Variants in FAM81A observed in about 807,000 individuals in gnomAD.
The protein encoded by FAM81A is family with sequence similarity 81 member A.
FAM81A carries 19 observed loss-of-function variants against 46.7 expected under a neutral mutation model. That is an observed-to-expected ratio of 0.41 (90% CI 0.28 to 0.60). The LOEUF (loss-of-function observed/expected upper bound fraction) is 0.60, where lower values mean the gene tolerates loss of function less well. Among genes scored for constraint, FAM81A ranks in the 20% least tolerant of loss-of-function variants. The pLI is 0.34. For synonymous variants in FAM81A, 183 were observed against 152.9 expected (o/e 1.20, Z -1.45); for missense variants, 377 against 453.5 (o/e 0.83, Z 1.53).
At chr15:59,470,093 A>T (rs552107968) in intron 3 of FAM81A, among the ~76,000 whole-genome samples, 1 of 152,266 alleles carries the variant, frequency 6.6e-6, no homozygotes, top group South Asian at 2.1e-4. Flanking sequence ...AGTCTGATGG[A>T]CTTACCTTTA....
chr15:59,523,191 T>TA lies in FAM81A; in HGVS notation c.*1815dup, dbSNP rs1356570890. ...GCTGGACTCTGGCCAAGGAGTGATGTAAGCAGGTGACACTTGGCTGTCAGC... is the reference window on the plus strand; with the variant it reads ...GCTGGACTCTGGCCAAGGAGTGATGTAAAGCAGGTGACACTTGGCTGTCAGC... On this transcript the variant is annotated 3_prime_UTR_variant, in exon 9 of 9. Coordinates refer to ENST00000288228, the MANE Select transcript of FAM81A (RefSeq NM_152450.3). The TA allele has an allele frequency of 2.6e-4, 39 of 152,236 alleles. No individual in the cohort carries two copies. The highest frequency in any genetic ancestry group is 8.7e-4 in the African/African-American group (36 of 41,446). The allele number at this position is 152,236 out of a possible 1,614,324, so 9.4% of individuals were successfully genotyped here. A position where few individuals can be genotyped will look rare whatever the true frequency, so the allele number is the denominator to read the frequency against.
intron 3 of FAM81A, among the ~76,000 whole-genome samples, chr15:59,465,765 A>G (rs1419991407): frequency 6.6e-6 from 1 of 152,132 alleles, no homozygotes; most frequent in Non-Finnish European, 1.5e-5. Context: ...ATACATAGTT[A>G]TACATGTGCC....
chr15:59,432,088 G>A (rs1293503496), intron 2 of FAM81A, among the ~76,000 whole-genome samples: 1 of 152,052 alleles, frequency 6.6e-6, no homozygotes, highest in Non-Finnish European at 1.5e-5. Context: ...TTTAAGTACA[G>A]GCTATGTATT....
rs1329267910 is a variant in FAM81A, at chr15:59,460,919, C to T, written c.294+713C>T. On this transcript the variant is annotated intron_variant, in intron 3 of 8. Transcript: ENST00000288228. The surrounding 1 kb of genome is among the most constrained non-coding windows in gnomAD (Gnocchi z 4.4). ...CTAGATTAAGGAAAACTTTTGCTTCCTGTGATGGAGATTATATCTGAATTA... is the reference window on the plus strand; with the variant it reads ...CTAGATTAAGGAAAACTTTTGCTTCTTGTGATGGAGATTATATCTGAATTA... 6.6e-6 allele frequency among the ~76,000 whole-genome samples: 1 copy of T among 152,128 alleles called. No individual in the cohort carries two copies. The highest frequency in any genetic ancestry group is 2.4e-5 in the African/African-American group (1 of 41,438).
chr15:59,478,287 A>G (rs1239567704), intron 3 of FAM81A, among the ~76,000 whole-genome samples: 2 of 152,176 alleles, frequency 1.3e-5, no homozygotes, highest in African/African-American at 4.8e-5. Flanking sequence ...TGTTGGCTTT[A>G]ACCTAGTTGG....
chr15:59,493,863 C>T (rs1164212173), intron 4 of FAM81A, among the ~76,000 whole-genome samples: 9 of 152,182 alleles, frequency 5.9e-5, no homozygotes, highest in African/African-American at 2.2e-4. Flanking sequence ...GCTGGGATTA[C>T]AGGTGTGAGC....
chr15:59,442,286 C>A (rs186428316), intron 1 of FAM81A, among the ~76,000 whole-genome samples: 352 of 152,220 alleles, frequency 2.3e-3, no homozygotes, highest in African/African-American at 8.3e-3. Flanking sequence ...CTTTTTAAAC[C>A]TTTTACTTTG....
chr15:59,417,975 A>G (rs1364770253), intron 2 of FAM81A, among the ~76,000 whole-genome samples: 2 of 151,866 alleles, frequency 1.3e-5, no homozygotes, highest in Non-Finnish European at 2.9e-5. Flanking sequence ...CCTGTGTCCA[A>G]GTGTTCTCAT....
intron 1 of FAM81A, among the ~76,000 whole-genome samples, chr15:59,447,439 C>A (rs2081365181): frequency 6.6e-6 from 1 of 152,214 alleles, no homozygotes; most frequent in African/African-American, 2.4e-5. Context: ...GACTGCTCAG[C>A]TGTTCTAAAA....
intron 3 of FAM81A, among the ~76,000 whole-genome samples, chr15:59,474,063 C>T (rs748188901): frequency 7.2e-5 from 11 of 152,174 alleles, no homozygotes; most frequent in Non-Finnish European, 1.5e-4. Context: ...GCCCTCCTTG[C>T]CAGTTCCTCT....
intron 3 of FAM81A, among the ~76,000 whole-genome samples, chr15:59,489,266 A>C (rs543474355): frequency 2.1e-4 from 31 of 144,268 alleles, no homozygotes; most frequent in African/African-American, 7.9e-4. Context: ...CTCCATCTCA[A>C]ATACATACAT....
chr15:59,495,988 A>G (rs76285907), intron 4 of FAM81A, among the ~76,000 whole-genome samples: 13,643 of 152,080 alleles, frequency 0.09, 789 homozygotes, highest in African/African-American at 0.16. Context: ...TCATTTTCTC[A>G]TGTCTTTTGA....
intron 3 of FAM81A, among the ~76,000 whole-genome samples, chr15:59,489,286 C>CATACATACATACATACATACATAT (rs2081956235): frequency 6.7e-6 from 1 of 149,906 alleles, no homozygotes; most frequent in African/African-American, 2.5e-5. Flanking sequence ...TACATACATA[C>CATACATACATACATACATACATAT]ATACATACAT....
intron 4 of FAM81A, among the ~76,000 whole-genome samples, chr15:59,498,369 G>T (rs1306992588): frequency 6.6e-6 from 1 of 152,026 alleles, no homozygotes; most frequent in Non-Finnish European, 1.5e-5. Flanking sequence ...TTGTATATTG[G>T]TCTTGTGTCC....
At chr15:59,514,958 T>A (rs1176244696) in intron 7 of FAM81A, among the ~76,000 whole-genome samples, 1 of 152,118 alleles carries the variant, frequency 6.6e-6, no homozygotes, top group Non-Finnish European at 1.5e-5. Flanking sequence ...ATCAAGAAAG[T>A]CTTGTGCCGG....
intron 1 of FAM81A, among the ~76,000 whole-genome samples, chr15:59,450,944 T>G (rs1053605783): frequency 1.4e-4 from 22 of 152,180 alleles, no homozygotes; most frequent in Non-Finnish European, 1.3e-4. Flanking sequence ...TTCTCTTGGT[T>G]AGAAGCAAGT....
At chr15:59,515,470 T>A (rs957810628) in intron 7 of FAM81A, among the ~76,000 whole-genome samples, 2 of 152,130 alleles carry the variant, frequency 1.3e-5, no homozygotes, top group Non-Finnish European at 2.9e-5. Context: ...GCTGTTGAAT[T>A]GCAGACTCTG....
At chr15:59,419,563 CTG>C (rs2081161727) in intron 2 of FAM81A, among the ~76,000 whole-genome samples, 1 of 150,370 alleles carries the variant, frequency 6.7e-6, no homozygotes, top group Admixed American at 6.6e-5. Context: ...CAATGGTTTC[CTG>C]TGTTTGAATT....
At chr15:59,521,078 A>G (rs1269521546) in intron 8 of FAM81A, among the ~76,000 whole-genome samples, 176 bp from the exon 9 acceptor site, 1 of 152,144 alleles carries the variant, frequency 6.6e-6, no homozygotes, top group Non-Finnish European at 1.5e-5. Flanking sequence ...TGTAATTAAA[A>G]AGTAATCTCT....
Sources: allele counts gnomAD v4.1 joint callset (sites outside exome capture counted in the v4.1 genomes callset), GRCh38; gene constraint gnomAD v4.1.1; non-coding constraint Gnocchi (gnomAD v3.1); transcripts MANE v1.5; gene names NCBI Gene and HGNC (gene_info 2026-07-23, HGNC 2026-07-21).